LRRTM4: variants seen among roughly 807,000 people sequenced by gnomAD.
The protein encoded by LRRTM4 is leucine-rich repeat transmembrane neuronal protein 4.
LRRTM4 carries 25 observed loss-of-function variants against 47.6 expected under a neutral mutation model. The ratio of observed to expected loss-of-function variants is 0.53; its 90% CI spans 0.38 to 0.73. The LOEUF (loss-of-function observed/expected upper bound fraction) is 0.73, where lower values mean the gene tolerates loss of function less well. LRRTM4 is among the 30% of genes least tolerant of loss of function. The pLI, the probability that LRRTM4 is intolerant of heterozygous loss-of-function variation, is 0.00. For missense variants in LRRTM4, 638 were observed against 713.4 expected, an observed-to-expected ratio of 0.89 and a Z score of 1.20; for synonymous variants, 311 against 269.5, an observed-to-expected ratio of 1.15 and a Z score of -1.51.
intron 3 of LRRTM4, among the ~76,000 whole-genome samples, chr2:77,094,754 T>C (rs184234883): frequency 6.6e-6 from 1 of 152,284 alleles, no homozygotes; most frequent in East Asian, 1.9e-4. Context: ...ATTGGATACT[T>C]CGGTCACATC....
chr2:76,905,928 T>C (rs1442665782), intron 3 of LRRTM4, among the ~76,000 whole-genome samples: 3 of 152,110 alleles, frequency 2.0e-5, no homozygotes, highest in African/African-American at 7.2e-5. Flanking sequence ...CTCTGCAGGA[T>C]ATTATCCAAG....
At chr2:77,420,475 G>C (rs1391052621) in intron 3 of LRRTM4, among the ~76,000 whole-genome samples, 2 of 151,980 alleles carry the variant, frequency 1.3e-5, no homozygotes, top group Non-Finnish European at 2.9e-5. Flanking sequence ...CCCACCACAA[G>C]TATAAAACAA....
At chr2:77,177,895 G>A (rs1673243081) in intron 3 of LRRTM4, among the ~76,000 whole-genome samples, 1 of 152,176 alleles carries the variant, frequency 6.6e-6, no homozygotes, top group African/African-American at 2.4e-5. Context: ...CAAAACTCAT[G>A]AGAAGATCTG....
chr2:77,407,691 T>A (rs1265004976), intron 3 of LRRTM4, among the ~76,000 whole-genome samples: 2 of 134,328 alleles, frequency 1.5e-5, no homozygotes, highest in African/African-American at 6.0e-5. Context: ...TTTAATATAA[T>A]ATATGATATA....
At chr2:77,077,899 T>C (rs1245997007) in intron 3 of LRRTM4, among the ~76,000 whole-genome samples, 1 of 152,168 alleles carries the variant, frequency 6.6e-6, no homozygotes, top group African/African-American at 2.4e-5. Context: ...ATAATTAATC[T>C]TCATAGCCTC....
chr2:77,245,016 C>T (rs1051515054), intron 3 of LRRTM4, among the ~76,000 whole-genome samples: 1 of 152,154 alleles, frequency 6.6e-6, no homozygotes, highest in Admixed American at 6.5e-5. Context: ...GCCAAGCCCA[C>T]ATTCCTGACC....
chr2:77,126,604 C>T, intron 3 of LRRTM4, among the ~76,000 whole-genome samples: 1 of 152,070 alleles, frequency 6.6e-6, no homozygotes, highest in East Asian at 1.9e-4. Context: ...TTTAAACTCA[C>T]TTTATATGGA....
chr2:77,103,866 G>A (rs1671025286), intron 3 of LRRTM4, among the ~76,000 whole-genome samples: 1 of 151,782 alleles, frequency 6.6e-6, no homozygotes, highest in African/African-American at 2.4e-5. Context: ...TTCTCACCAA[G>A]AAGAAAGCCT....
rs367573475 is a variant in LRRTM4 at position 76,873,506 on chromosome 2, G to GTGTATA, written c.1552-124591_1552-124590insTATACA. 2.2e-3 allele frequency among the ~76,000 whole-genome samples: 247 copies of GTGTATA among 112,310 alleles called. 4 individuals are homozygous for GTGTATA. The highest frequency in any genetic ancestry group is 7.0e-3 in the African/African-American group (215 of 30,814). 73.7% of individuals were successfully genotyped at this position (112,310 alleles called of 152,430 possible). ...TATGTGTGTGTGTATATATATGTGTGTATATATATATATATATATATATAT... is the reference window on the plus strand; with the variant it reads ...TATGTGTGTGTGTATATATATGTGTGTGTATATATATATATATATATATATATATAT... On this transcript the variant is annotated intron_variant, in intron 3 of 3. Coordinates refer to ENST00000409884, the MANE Select transcript of LRRTM4 (RefSeq NM_001134745.3).
At chr2:77,203,114 T>TATATACATATGCATATATATATAC (rs948429058) in intron 3 of LRRTM4, among the ~76,000 whole-genome samples, 3 of 151,760 alleles carry the variant, frequency 2.0e-5, no homozygotes, top group Admixed American at 2.0e-4. Flanking sequence ...TACACACACA[T>TATATACATATGCATATATATATAC]ATATACATAT....
chr2:77,055,270 G>A (rs1385223474), intron 3 of LRRTM4, among the ~76,000 whole-genome samples: 1 of 152,178 alleles, frequency 6.6e-6, no homozygotes, highest in Non-Finnish European at 1.5e-5. Flanking sequence ...TCTTCTCTGT[G>A]ACTGGGTCTT....
intron 3 of LRRTM4, among the ~76,000 whole-genome samples, chr2:77,265,721 A>T (rs1676032702): frequency 6.6e-6 from 1 of 152,182 alleles, no homozygotes. Flanking sequence ...ATCAATATAA[A>T]ATCTTGAGAA....
intron 3 of LRRTM4, among the ~76,000 whole-genome samples, chr2:76,807,435 T>C (rs1409049413): frequency 1.1e-4 from 7 of 64,942 alleles, no homozygotes; most frequent in African/African-American, 7.4e-4. Context: ...CATATATATA[T>C]ACGTATATAC....
intron 3 of LRRTM4, among the ~76,000 whole-genome samples, chr2:77,368,534 G>T (rs1009548433): frequency 6.6e-6 from 1 of 151,712 alleles, no homozygotes; most frequent in African/African-American, 2.4e-5. Flanking sequence ...TTACAGATGA[G>T]GAATCTTTGG....
chr2:76,791,230 G>A (rs746196009), intron 3 of LRRTM4, among the ~76,000 whole-genome samples: 22 of 152,058 alleles, frequency 1.4e-4, no homozygotes, highest in African/African-American at 1.9e-4. Flanking sequence ...AAACCCTAAC[G>A]TGACTCAAAG....
chr2:77,096,467 T>C (rs902438127), intron 3 of LRRTM4, among the ~76,000 whole-genome samples: 2 of 151,398 alleles, frequency 1.3e-5, no homozygotes, highest in Admixed American at 6.6e-5. Context: ...GTGAGTAAAT[T>C]AATAAATTAA....
intron 3 of LRRTM4, among the ~76,000 whole-genome samples, chr2:77,246,592 A>C (rs564863729): frequency 3.9e-5 from 6 of 152,260 alleles, no homozygotes; most frequent in African/African-American, 9.6e-5. Flanking sequence ...GAACATTTGC[A>C]TCATCACAGG....
chr2:77,398,399 C>G (rs1051317292), intron 3 of LRRTM4, among the ~76,000 whole-genome samples: 2 of 151,986 alleles, frequency 1.3e-5, no homozygotes, highest in Middle Eastern at 3.4e-3. Context: ...CATATTACAT[C>G]TCAGAGGAGT....
At chr2:77,084,877 A>G (rs1291568919) in intron 3 of LRRTM4, among the ~76,000 whole-genome samples, 2 of 152,234 alleles carry the variant, frequency 1.3e-5, no homozygotes, top group East Asian at 3.8e-4. Context: ...AATGTAGGCC[A>G]GAGTTTAATG....
Sources: allele counts gnomAD v4.1 joint callset (sites outside exome capture counted in the v4.1 genomes callset), GRCh38; gene constraint gnomAD v4.1.1; transcripts MANE v1.5; gene names NCBI Gene and HGNC (gene_info 2026-07-23, HGNC 2026-07-21).